The following FBXO3 variants were observed in gnomAD, a reference collection of about 807,000 sequenced individuals.
FBXO3 encodes F-box only protein 3.
Under a neutral mutation model 64.8 loss-of-function variants are expected in FBXO3, and 17 were observed. The ratio of observed to expected loss-of-function variants is 0.26; its 90% CI spans 0.18 to 0.39. The LOEUF (loss-of-function observed/expected upper bound fraction) is 0.39. Among genes scored for constraint, FBXO3 ranks in the 10% least tolerant of loss-of-function variants. FBXO3 has a pLI of 1.00. For missense variants in FBXO3, 420 were observed against 589.9 expected (o/e 0.71, Z 2.98); for synonymous variants, 182 against 201.6 (o/e 0.90, Z 0.82).
intron 1 of FBXO3, chr11:33,773,718 T>A (rs1855566540): frequency 6.6e-6 from 1 of 152,304 alleles, no homozygotes; most frequent in South Asian, 2.1e-4. Context: ...CAGATGCTAG[T>A]AATGTGGGAA....
At chr11:33,756,066 A>G in intron 4 of FBXO3, 91 bp from the exon 5 acceptor site, 1 of 988,130 alleles carries the variant, frequency 1.0e-6, no homozygotes. Flanking sequence ...TCCCACTCAC[A>G]ACTTTATAAG....
intron 5 of FBXO3, among the ~76,000 whole-genome samples, 167 bp from the exon 6 acceptor site, chr11:33,754,667 A>T (rs924248738): frequency 1.3e-5 from 2 of 152,216 alleles, no homozygotes; most frequent in Non-Finnish European, 2.9e-5. Context: ...AATCAGAGTC[A>T]AGAGATCCGA....
At chr11:33,758,447 C>G in intron 4 of FBXO3, 40 bp downstream of exon 4, 1 of 1,400,172 alleles carries the variant, frequency 7.1e-7, no homozygotes, top group Non-Finnish European at 9.9e-7. Flanking sequence ...TAAAAAATAA[C>G]TTGCATCATT....
chr11:33,749,571 C>A (rs1414453534), intron 8 of FBXO3, among the ~76,000 whole-genome samples: 1 of 152,092 alleles, frequency 6.6e-6, no homozygotes, highest in Non-Finnish European at 1.5e-5. Context: ...ACTATGTTGT[C>A]CAGGCTGGTC....
At chr11:33,756,470 A>G (rs778082213) in intron 4 of FBXO3, among the ~76,000 whole-genome samples, 10 of 152,220 alleles carry the variant, frequency 6.6e-5, no homozygotes, top group Non-Finnish European at 1.5e-4. Context: ...AAATATATAT[A>G]TAGCAATACA....
chr11:33,753,657 A>G (rs948785660), intron 6 of FBXO3: 1 of 152,250 alleles, frequency 6.6e-6, no homozygotes, highest in Non-Finnish European at 1.5e-5. Context: ...GAAGTACACC[A>G]TGAACGTGGA....
chr11:33,765,876 A>G (rs1490304109), intron 3 of FBXO3, among the ~76,000 whole-genome samples: 1 of 152,158 alleles, frequency 6.6e-6, no homozygotes, highest in Non-Finnish European at 1.5e-5. Context: ...CCCCATGAGT[A>G]AAAGCTCCCT....
At chr11:33,767,362 C>T (rs551719035) in intron 3 of FBXO3, among the ~76,000 whole-genome samples, 11 of 152,140 alleles carry the variant, frequency 7.2e-5, no homozygotes, top group Non-Finnish European at 1.2e-4. Flanking sequence ...TGCAGTGGCG[C>T]GATCTCGGCT....
chr11:33,758,476 G>A lies in FBXO3; in HGVS notation c.473+11C>T, dbSNP rs753629048. On this transcript the variant is annotated intron_variant, in intron 4 of 10. Transcript: ENST00000265651. ...CATCATTAAAAATAACCAAAACATT[G>A]AATATCTTACCCAGGAACCACTAAC... 1 of 1,547,356 alleles carries A rather than the reference G, an allele frequency of 6.5e-7. No individual in the cohort carries two copies. Among genetic ancestry groups the A allele is most frequent in the Non-Finnish European group, 8.8e-7 (1 of 1,133,662 alleles).
At chr11:33,752,198 C>A (rs1854978374) in intron 6 of FBXO3, among the ~76,000 whole-genome samples, 1 of 152,188 alleles carries the variant, frequency 6.6e-6, no homozygotes, top group Non-Finnish European at 1.5e-5. Flanking sequence ...TCTTAGTGAC[C>A]AGCTCAAAGC....
intron 10 of FBXO3, chr11:33,746,452 T>C (rs1395652852): frequency 6.2e-6 from 3 of 480,152 alleles, no homozygotes; most frequent in Non-Finnish European, 1.1e-5. Flanking sequence ...ATCATGTCCA[T>C]CTTTCCAAAC....
intron 4 of FBXO3, among the ~76,000 whole-genome samples, chr11:33,757,628 C>T (rs548124818): frequency 8.3e-6 from 1 of 120,426 alleles, no homozygotes; most frequent in South Asian, 2.9e-4. Context: ...ATACCACTAG[C>T]CTGGCAACAC....
At chr11:33,763,384 C>A in intron 3 of FBXO3, 1 of 299,216 alleles carries the variant, frequency 3.3e-6, no homozygotes, top group South Asian at 2.9e-5. Context: ...ATATCCAGTA[C>A]ATATAAAAAA....
At chr11:33,757,011 T>G (rs751023542) in intron 4 of FBXO3, 16 of 518,748 alleles carry the variant, frequency 3.1e-5, no homozygotes, top group Admixed American at 1.6e-4. Context: ...GTTTCAGGTG[T>G]GAGCGACCAC....
At chr11:33,749,359 A>AGT (rs1854894882) in intron 8 of FBXO3, among the ~76,000 whole-genome samples, 1 of 119,064 alleles carries the variant, frequency 8.4e-6, no homozygotes, top group Admixed American at 8.7e-5. Flanking sequence ...CTGGGATTAC[A>AGT]CTTTTTTTTT....
Position 33,768,667 on chromosome 11 carries a change from T to C in FBXO3, c.358+184A>G, listed in dbSNP as rs542906044. The C allele has an allele frequency of 1.3e-4, 79 of 611,000 alleles. 2 individuals are homozygous for C. The Admixed American group carries it at 1.6e-3, about 12-fold the overall frequency. 37.8% of individuals were successfully genotyped at this position (611,000 alleles called of 1,614,324 possible). On this transcript the variant is annotated intron_variant, in intron 3 of 10. Coordinates refer to ENST00000265651, the MANE Select transcript of FBXO3 (RefSeq NM_012175.4). ...TAAATAACCATGTGGGTCCCAAGGA[T>C]GAGAAAAAACAGGGTAAGCACTAGA...
intron 6 of FBXO3, among the ~76,000 whole-genome samples, chr11:33,752,811 T>C (rs539201690): frequency 6.6e-6 from 1 of 152,328 alleles, no homozygotes; most frequent in Non-Finnish European, 1.5e-5. Flanking sequence ...AAAAATCATA[T>C]ATATGTATAT....
At chr11:33,767,026 A>AAC (rs111281947) in intron 3 of FBXO3, among the ~76,000 whole-genome samples, 1 of 149,906 alleles carries the variant, frequency 6.7e-6, no homozygotes, top group East Asian at 2.0e-4. Context: ...AAAGAAAAAC[A>AAC]AGCAGCAGCA....
At chr11:33,767,885 A>AG (rs1249018266) in intron 3 of FBXO3, among the ~76,000 whole-genome samples, 10 of 152,240 alleles carry the variant, frequency 6.6e-5, no homozygotes, top group Admixed American at 2.6e-4. Context: ...ATATTAATCA[A>AG]GGGTACTTTC....
Sources: allele counts gnomAD v4.1 joint callset (sites outside exome capture counted in the v4.1 genomes callset), GRCh38; gene constraint gnomAD v4.1.1; transcripts MANE v1.5; gene names NCBI Gene and HGNC (gene_info 2026-07-23, HGNC 2026-07-21).